The following RARB variants were observed in gnomAD, a reference collection of about 807,000 sequenced individuals.
RARB encodes the protein HBV-activated protein.
Under a neutral mutation model 51.9 loss-of-function variants are expected in RARB, and 17 were observed. That is an observed-to-expected ratio of 0.33 (90% confidence interval 0.22 to 0.49). The LOEUF (loss-of-function observed/expected upper bound fraction) is 0.49. Ranked by LOEUF, RARB falls within the 20% of genes least tolerant of loss-of-function variation. The pLI, the probability that RARB is intolerant of heterozygous loss-of-function variation, is 0.99. For synonymous variants in RARB, 215 were observed against 195.4 expected, an observed-to-expected ratio of 1.10 and a Z score of -0.84; for missense variants, 369 against 550.8, an observed-to-expected ratio of 0.67 and a Z score of 3.30.
At chr3:25,523,917 C>G (rs575543107) in intron 3 of RARB, among the ~76,000 whole-genome samples, 3 of 152,104 alleles carry the variant, frequency 2.0e-5, no homozygotes, top group Non-Finnish European at 4.4e-5. Flanking sequence ...AGGGAGAAAT[C>G]TCTCATTCCC....
rs143031404 is a variant in RARB at position 25,125,762 on chromosome 3, T to C, written c.-327-6399T>C. Among the ~76,000 whole-genome samples, 224 of 152,322 alleles carry C rather than the reference T, an allele frequency of 1.5e-3. 5 individuals are homozygous for C. The East Asian group carries it at 0.037, about 25-fold the overall frequency. ...TATATGCACATAATTCAAAAACACC[T>C]AAGTATTATAGGTGTTCAATAAATA... On this transcript the variant is annotated intron_variant, in intron 3 of 11. Transcript: ENST00000383772.
rs186435922 is a variant in RARB at position 25,237,428 on chromosome 3, T to C, written c.178+62853T>C. ...ACTTCAATATTCTAAATGCCATATG[T>C]TATTTTCTAAATCTTACAGGAGAGA... is the stretch of plus-strand genomic sequence containing the variant. On this transcript the variant is annotated intron_variant, in intron 5 of 11. Coordinates refer to the RARB transcript ENST00000383772. Among the ~76,000 whole-genome samples the C allele has an allele frequency of 2.7e-3, 410 of 152,274 alleles. 2 individuals are homozygous for C. The highest frequency in any genetic ancestry group is 9.4e-3 in the African/African-American group (392 of 41,576).
chr3:25,384,760 C>A (rs1231968811), intron 5 of RARB, among the ~76,000 whole-genome samples: 1 of 152,202 alleles, frequency 6.6e-6, no homozygotes, highest in African/African-American at 2.4e-5. Context: ...AACATACTCC[C>A]AGAAAAGAGT....
chr3:25,035,810 G>C (rs1483423840), intron 2 of RARB, among the ~76,000 whole-genome samples: 1 of 152,146 alleles, frequency 6.6e-6, no homozygotes, highest in East Asian at 1.9e-4. Context: ...TGTAAAAACA[G>C]GCAATGGCTG....
In RARB at chr3:24,921,269, T is replaced by G. The variant is rs564983127; in HGVS notation, c.-380+62517T>G. ...TCCTACCGTGTGTTCAGCACTGTGC[T>G]ACATACTTTTATTCTGTAGCTGAAA... On this transcript the variant is annotated intron_variant, in intron 2 of 11. Transcript: ENST00000383772. 2.6e-5 allele frequency among the ~76,000 whole-genome samples: 4 copies of G among 152,306 alleles called. 1 individual carries two copies. The East Asian group carries it at 7.7e-4, about 29-fold the overall frequency.
chr3:24,946,158 G>C (rs904135227), intron 2 of RARB, among the ~76,000 whole-genome samples: 2 of 151,370 alleles, frequency 1.3e-5, no homozygotes, highest in Admixed American at 6.6e-5. Context: ...CCAGCTACTC[G>C]GGAGACTGAG....
chr3:25,533,357 G>A (rs996427693), intron 3 of RARB, among the ~76,000 whole-genome samples: 1 of 152,132 alleles, frequency 6.6e-6, no homozygotes, highest in Non-Finnish European at 1.5e-5. Flanking sequence ...AATGTGAGAG[G>A]ACTGTAATAG....
chr3:25,507,102 G>A (rs1367068850), intron 3 of RARB, among the ~76,000 whole-genome samples: 5 of 152,266 alleles, frequency 3.3e-5, no homozygotes, highest in South Asian at 4.1e-4. Context: ...TCCATGAACC[G>A]CAAACTTATT....
intron 2 of RARB, among the ~76,000 whole-genome samples, chr3:24,966,186 T>G (rs991160830): frequency 2.0e-5 from 3 of 151,932 alleles, no homozygotes; most frequent in African/African-American, 7.2e-5. Flanking sequence ...TGTAGAGACA[T>G]TCCAAAGGAG....
At chr3:25,028,807 A>G (rs62228507) in intron 2 of RARB, among the ~76,000 whole-genome samples, 19,939 of 152,196 alleles carry the variant, frequency 0.13, 1,794 homozygotes, top group Non-Finnish European at 0.2. Context: ...GCTATGGAGA[A>G]TATCCTGTGG....
At chr3:25,356,183 A>C (rs1001914326) in intron 5 of RARB, among the ~76,000 whole-genome samples, 1 of 152,114 alleles carries the variant, frequency 6.6e-6, no homozygotes, top group African/African-American at 2.4e-5. Context: ...TTTTTCAAAG[A>C]GAAGTATTTA....
exon 5 of RARB, chr3:25,174,518 C>A (rs772989046): frequency 5.2e-6 from 7 of 1,352,144 alleles, no homozygotes; most frequent in Middle Eastern, 2.1e-4. Context: ...CCTGCCTCCC[C>A]TCCATGGCCT....
At chr3:24,962,564 G>A (rs138878824) in intron 2 of RARB, among the ~76,000 whole-genome samples, 224 of 152,290 alleles carry the variant, frequency 1.5e-3, no homozygotes, top group African/African-American at 5.2e-3. Context: ...CAGGAGTTAA[G>A]CAGCAAGCAA....
chr3:25,371,267 C>G (rs902256066), intron 5 of RARB, among the ~76,000 whole-genome samples: 2 of 152,074 alleles, frequency 1.3e-5, no homozygotes, highest in Non-Finnish European at 2.9e-5. Flanking sequence ...TTATTTAGGC[C>G]CTTTTTCCAA....
intron 4 of RARB, among the ~76,000 whole-genome samples, chr3:25,155,058 T>C (rs562082608): frequency 6.6e-6 from 1 of 152,364 alleles, no homozygotes; most frequent in South Asian, 2.1e-4. Flanking sequence ...AATTCTGTTA[T>C]TTCTTCTCAT....
intron 5 of RARB, among the ~76,000 whole-genome samples, chr3:25,313,958 A>G (rs1190895574): frequency 6.6e-6 from 1 of 151,910 alleles, no homozygotes. Context: ...GTAGCCTCAG[A>G]TACTTGGGCG....
intron 5 of RARB, among the ~76,000 whole-genome samples, chr3:25,222,758 GTAA>G (rs1301994008): frequency 6.6e-6 from 1 of 152,098 alleles, no homozygotes; most frequent in Admixed American, 6.5e-5. Flanking sequence ...GCCTGCAATG[GTAA>G]TAATACTGGA....
At chr3:25,209,297 T>C (rs1214516682) in intron 5 of RARB, among the ~76,000 whole-genome samples, 3 of 152,242 alleles carry the variant, frequency 2.0e-5, no homozygotes, top group Non-Finnish European at 4.4e-5. Flanking sequence ...TGAGCTATTG[T>C]GATTTTATTC....
intron 1 of RARB, chr3:25,458,491 T>C (rs1695021007): frequency 6.6e-6 from 1 of 152,238 alleles, no homozygotes; most frequent in Admixed American, 6.5e-5. Flanking sequence ...TAATTCGCTT[T>C]CAGTGAAGCT....
Sources: allele counts gnomAD v4.1 joint callset (sites outside exome capture counted in the v4.1 genomes callset), GRCh38; gene constraint gnomAD v4.1.1; transcripts MANE v1.5; gene names NCBI Gene and HGNC (gene_info 2026-07-23, HGNC 2026-07-21).